Variants in PEX7 observed in about 807,000 individuals in gnomAD.
PEX7 encodes peroxisomal biogenesis factor 7.
A neutral mutation model predicts 47.5 loss-of-function variants in PEX7; 34 were observed. The observed-to-expected ratio is 0.72, with a 90% CI of 0.54 to 0.95. PEX7 has a LOEUF of 0.95. Ranked by LOEUF, PEX7 falls within the 40% of genes least tolerant of loss-of-function variation. PEX7 has a pLI of 0.00. For missense variants in PEX7, 394 were observed against 400.3 expected (o/e 0.98, Z 0.13); for synonymous variants, 141 against 148.8 (o/e 0.95, Z 0.38).
intron 8 of PEX7, among the ~76,000 whole-genome samples, chr6:136,881,983 AGAAAG>A (rs1180173628): frequency 1.3e-5 from 2 of 152,216 alleles, no homozygotes; most frequent in Non-Finnish European, 2.9e-5. Context: ...TAAGTTAAAC[AGAAAG>A]TTAAGAAGAT....
intron 3 of PEX7, among the ~76,000 whole-genome samples, chr6:136,828,366 G>A (rs554262755): frequency 3.5e-4 from 53 of 152,304 alleles, no homozygotes; most frequent in African/African-American, 1.2e-3. Context: ...TTTACTTCCT[G>A]TCAGTGAAAG....
chr6:136,838,742 T>G (rs1774440000), intron 3 of PEX7, among the ~76,000 whole-genome samples: 1 of 152,202 alleles, frequency 6.6e-6, no homozygotes, highest in Non-Finnish European at 1.5e-5. Flanking sequence ...CAGTCAGTCA[T>G]TCAGTCAGTA....
chr6:136,846,028 T>C (rs1204195399), intron 4 of PEX7, 45 bp from the exon 5 acceptor site: 2 of 1,181,866 alleles, frequency 1.7e-6, no homozygotes, highest in Non-Finnish European at 2.5e-6. Flanking sequence ...AAAGCATAAA[T>C]TTGAATTTAT....
chr6:136,850,064 T>G lies in PEX7; in HGVS notation c.526+3883T>G, dbSNP rs573901385. Among the ~76,000 whole-genome samples, 9 of 152,252 alleles carry G rather than the reference T, an allele frequency of 5.9e-5. No individual in the cohort carries two copies. The East Asian group carries it at 1.4e-3, about 23-fold the overall frequency. On this transcript the variant is annotated intron_variant, in intron 5 of 9. Transcript: ENST00000318471. Reference sequence around the variant, plus strand: ...GTATTGGGTGCATATATATTTAGGATAGTTAGCTCTTCTTGTTGCATTGAT... The same window carrying G: ...GTATTGGGTGCATATATATTTAGGAGAGTTAGCTCTTCTTGTTGCATTGAT...
chr6:136,867,048 T>C (rs1326510380), intron 6 of PEX7, among the ~76,000 whole-genome samples: 1 of 152,238 alleles, frequency 6.6e-6, no homozygotes, highest in Non-Finnish European at 1.5e-5. Context: ...TGTATCATCT[T>C]TTGCTTTTAT....
chr6:136,892,200 T>C (rs1057281211), intron 8 of PEX7, among the ~76,000 whole-genome samples: 13 of 152,182 alleles, frequency 8.5e-5, no homozygotes, highest in African/African-American at 3.1e-4. Context: ...TCCTTAGGAT[T>C]TTTATTGTAA....
intron 3 of PEX7, among the ~76,000 whole-genome samples, chr6:136,837,148 C>T (rs1774401226): frequency 1.3e-5 from 2 of 151,724 alleles, no homozygotes; most frequent in Non-Finnish European, 2.9e-5. Flanking sequence ...ATCACAGGGT[C>T]AGGAGATTGA....
intron 1 of PEX7, 128 bp downstream of exon 1, chr6:136,822,923 G>A: frequency 8.3e-7 from 1 of 1,210,424 alleles, no homozygotes; most frequent in South Asian, 3.8e-5. Flanking sequence ...CACGCCAGGG[G>A]GCAGAAGAGG....
At chr6:136,862,808 G>A (rs760230136) in intron 5 of PEX7, among the ~76,000 whole-genome samples, 21 of 152,156 alleles carry the variant, frequency 1.4e-4, no homozygotes, top group Non-Finnish European at 2.9e-4. Flanking sequence ...AGGTACTGTG[G>A]TTGGTCTTGC....
rs1482096643 is a variant in PEX7, at chr6:136,822,659, G to A, written c.-7G>A. The A allele has an allele frequency of 2.0e-6, 3 of 1,525,644 alleles. No homozygotes were observed. Among genetic ancestry groups the A allele is most frequent in the Admixed American group, 2.0e-5 (1 of 50,590 alleles). The allele number at this position is 1,525,644 out of a possible 1,614,324, so 94.5% of individuals were successfully genotyped here. A position where few individuals can be genotyped will look rare whatever the true frequency, so the allele number is the denominator to read the frequency against. ...CGGGGCAGCGAGGGCCGGGGGCGGC[G>A]GGCGGGATGAGTGCGGTGTGCGGTG... On this transcript the variant is annotated 5_prime_UTR_variant, in exon 1 of 10. Transcript: ENST00000318471.
chr6:136,823,862 C>T (rs1404398149), intron 1 of PEX7, among the ~76,000 whole-genome samples: 1 of 152,180 alleles, frequency 6.6e-6, no homozygotes, highest in Admixed American at 6.5e-5. Flanking sequence ...TGCACTCCAG[C>T]CTGGGCAAGA....
chr6:136,825,424 G>A (rs1458388838), intron 2 of PEX7, among the ~76,000 whole-genome samples, 153 bp downstream of exon 2: 1 of 152,166 alleles, frequency 6.6e-6, no homozygotes, highest in African/African-American at 2.4e-5. Context: ...TGATTGTGGT[G>A]GTGCGCACCT....
chr6:136,845,615 G>A lies in PEX7; in HGVS notation c.340G>A (p.Val114Met). Residue 114 changes from valine to methionine, a missense_variant and splice_region_variant, in exon 4 of 10, where the codon GTG becomes ATG. Val to Met is a conservative substitution (Grantham distance 21). Coordinates refer to ENST00000318471, the MANE Select transcript of PEX7 (RefSeq NM_000288.4). ...LQVYKEHAQE[V>M]YSVDWSQTRG... ...TCTAAACACTTTTCAATGTTTTTAG[G>A]TGTATAGTGTTGATTGGAGCCAAAC... 6.3e-7 allele frequency: 1 copy of A among 1,582,726 alleles called. No homozygotes were observed. Among genetic ancestry groups the A allele is most frequent in the Non-Finnish European group, 8.7e-7 (1 of 1,151,422 alleles).
At position 136,822,615 on chromosome 6, in the gene PEX7, TCG is replaced by T; in HGVS notation, c.-50_-49del. On this transcript the variant is annotated 5_prime_UTR_variant, in exon 1 of 10. Transcript: ENST00000318471. Reference sequence around the variant, plus strand: ...CTAACCGCGCCAGTGTGCCTCCGACTCGGAACGGCTTCCGCGGCCGGGGCAGC... The same window carrying T: ...CTAACCGCGCCAGTGTGCCTCCGACTGAACGGCTTCCGCGGCCGGGGCAGC... 6.7e-7 allele frequency: 1 copy of T among 1,501,858 alleles called. No individual in the cohort carries two copies. Among genetic ancestry groups the T allele is most frequent in the Non-Finnish European group, 8.9e-7 (1 of 1,120,324 alleles). The allele number at this position is 1,501,858 out of a possible 1,614,324, so 93.0% of individuals were successfully genotyped here.
chr6:136,891,059 T>C (rs1562754302), intron 8 of PEX7, among the ~76,000 whole-genome samples: 1 of 152,216 alleles, frequency 6.6e-6, no homozygotes, highest in Non-Finnish European at 1.5e-5. Context: ...ACAAACCGCA[T>C]AGGAGTTTTG....
At position 136,850,742 on chromosome 6, in the gene PEX7, C is replaced by T. The variant is rs9402853; in HGVS notation, c.526+4561C>T. Among the ~76,000 whole-genome samples the T allele has an allele frequency of 4.4e-3, 667 of 152,166 alleles. 20 individuals carry two copies. Among genetic ancestry groups the T allele is most frequent in the Admixed American group, 0.035 (532 of 15,250 alleles). On this transcript the variant is annotated intron_variant, in intron 5 of 9. Coordinates refer to ENST00000318471, the MANE Select transcript of PEX7 (RefSeq NM_000288.4). The stretch of plus-strand genomic sequence containing the variant: ...AGACACGCATCTGCTTGTCAATGAG[C>T]AGGTTGAGCTTGGAGCTGAGAACTC...
intron 9 of PEX7, among the ~76,000 whole-genome samples, chr6:136,910,595 A>G (rs955955523): frequency 2.6e-5 from 4 of 152,230 alleles, no homozygotes; most frequent in African/African-American, 7.2e-5. Flanking sequence ...TAAAAAGTCT[A>G]TAATGCTCTC....
rs374668045 is a variant in PEX7, at chr6:136,826,479, A to C, written c.339+10A>C. On this transcript the variant is annotated intron_variant, in intron 3 of 9. Coordinates refer to ENST00000318471, the MANE Select transcript of PEX7 (RefSeq NM_000288.4). Reference sequence around the variant, plus strand: ...AGAACACGCTCAGGAGGTAGGAGGGAAATCTTTCTGGGCTGATTATTTTTC... The same window carrying C: ...AGAACACGCTCAGGAGGTAGGAGGGCAATCTTTCTGGGCTGATTATTTTTC... 1 of 1,613,872 alleles carries C rather than the reference A, an allele frequency of 6.2e-7. No homozygotes were observed. Among genetic ancestry groups the C allele is most frequent in the Admixed American group, 1.7e-5 (1 of 59,966 alleles).
intron 3 of PEX7, among the ~76,000 whole-genome samples, chr6:136,841,773 C>CG (rs1400411334): frequency 3.3e-5 from 5 of 151,834 alleles, no homozygotes; most frequent in African/African-American, 9.7e-5. Context: ...TTTATAGAGA[C>CG]GGGGGTCTCG....
Sources: gnomAD v4.1 joint callset for allele counts (sites outside exome capture counted in the v4.1 genomes callset) on GRCh38, gnomAD v4.1.1 for gene constraint, MANE v1.5 for transcripts, NCBI Gene and HGNC (gene_info 2026-07-23, HGNC 2026-07-21) for gene names.